The following PKNOX2 variants were observed in gnomAD, a reference collection of about 807,000 sequenced individuals.
PKNOX2 encodes homeobox protein PKNOX2.
In PKNOX2, 14 loss-of-function variants were observed where a neutral mutation model predicts 53.1. The ratio of observed to expected loss-of-function variants is 0.26; its 90% confidence interval spans 0.17 to 0.41. The LOEUF (loss-of-function observed/expected upper bound fraction) is 0.41, where lower values mean the gene tolerates loss of function less well. Ranked by LOEUF, PKNOX2 falls within the 10% of genes least tolerant of loss-of-function variation. The pLI is 1.00. For missense variants in PKNOX2, 496 were observed against 602.8 expected, an observed-to-expected ratio of 0.82 and a Z score of 1.85; for synonymous variants, 257 against 242.8, an observed-to-expected ratio of 1.06 and a Z score of -0.54.
rs1280951074 is a variant in PKNOX2, at chr11:125,352,724, A to T, written c.87+1332A>T. Reference sequence around the variant, plus strand: ...TGGTCCTTCACCAATCTCTGAGCACATGTCTACGGCCCCGCTCCCACATAT... The same window carrying T: ...TGGTCCTTCACCAATCTCTGAGCACTTGTCTACGGCCCCGCTCCCACATAT... On this transcript the variant is annotated intron_variant, in intron 4 of 12. Transcript: ENST00000298282. This position sits in a 1 kb window ranked among gnomAD's most constrained non-coding sequence, Gnocchi z 4.1. Among the ~76,000 whole-genome samples the T allele has an allele frequency of 2.0e-5, 3 of 152,154 alleles. No homozygotes were observed. Among genetic ancestry groups the T allele is most frequent in the African/African-American group, 7.2e-5 (3 of 41,434 alleles).
At chr11:125,281,016 A>G (rs1946520558) in intron 2 of PKNOX2, among the ~76,000 whole-genome samples, 2 of 152,220 alleles carry the variant, frequency 1.3e-5, no homozygotes, top group Admixed American at 1.3e-4. Flanking sequence ...CCTGGGCACC[A>G]GATGAACAGC....
intron 6 of PKNOX2, among the ~76,000 whole-genome samples, chr11:125,391,462 C>T (rs7119407): frequency 0.38 from 57,230 of 152,030 alleles, 13,388 homozygotes; most frequent in African/African-American, 0.67. Context: ...TTGACATTTC[C>T]TGAATGGCTA....
At chr11:125,180,287 T>C (rs750847175) in intron 1 of PKNOX2, among the ~76,000 whole-genome samples, 1 of 149,964 alleles carries the variant, frequency 6.7e-6, no homozygotes, top group Non-Finnish European at 1.5e-5. Flanking sequence ...TTTAGAGCGA[T>C]TGTTGGATTT....
At chr11:125,405,950 G>A (rs1165598063) in intron 7 of PKNOX2, among the ~76,000 whole-genome samples, 1 of 152,202 alleles carries the variant, frequency 6.6e-6, no homozygotes, top group Non-Finnish European at 1.5e-5. Flanking sequence ...ATAACCAGCT[G>A]TCATCCCCAG....
chr11:125,351,445 C>G (rs1335529418), intron 4 of PKNOX2, 53 bp downstream of exon 4: 2 of 1,169,818 alleles, frequency 1.7e-6, no homozygotes, highest in African/African-American at 3.0e-5. Flanking sequence ...GTGTGGTGGC[C>G]TTAGAGCCCC....
At chr11:125,193,658 C>T (rs1957007229) in intron 1 of PKNOX2, among the ~76,000 whole-genome samples, 1 of 152,176 alleles carries the variant, frequency 6.6e-6, no homozygotes, top group African/African-American at 2.4e-5. Context: ...AACCCAGGGA[C>T]AAAGTAACCT....
intron 2 of PKNOX2, among the ~76,000 whole-genome samples, chr11:125,252,791 G>C (rs117141481): frequency 6.6e-6 from 1 of 152,174 alleles, no homozygotes; most frequent in African/African-American, 2.4e-5. Context: ...CTACCAACCC[G>C]GCCTTTGGGT....
In PKNOX2 at chr11:125,252,710, C is replaced by T. The variant is rs912083583; in HGVS notation, c.-130+17595C>T. The stretch of plus-strand genomic sequence containing the variant: ...CAATGAGAGGTCCATGTAGCTCCCC[C>T]GGGCTGCGAGATGACCAGGCACAAA... On this transcript the variant is annotated intron_variant, in intron 2 of 12. Transcript: ENST00000298282. Among the ~76,000 whole-genome samples, 10 of 152,100 alleles carry T rather than the reference C, an allele frequency of 6.6e-5. 1 individual carries two copies. The South Asian group carries it at 8.3e-4, about 13-fold the overall frequency.
intron 3 of PKNOX2, among the ~76,000 whole-genome samples, chr11:125,333,213 C>G (rs116981615): frequency 0.025 from 3,778 of 152,190 alleles, 63 homozygotes; most frequent in Non-Finnish European, 0.039. Context: ...CTGGTGAATC[C>G]GTGTGAAGTG....
At chr11:125,177,375 A>C (rs1227785350) in intron 1 of PKNOX2, among the ~76,000 whole-genome samples, 5 of 152,214 alleles carry the variant, frequency 3.3e-5, no homozygotes, top group Non-Finnish European at 5.9e-5. Context: ...CACGGATGTG[A>C]AAAGGAAAGC....
intron 3 of PKNOX2, among the ~76,000 whole-genome samples, 183 bp from the exon 4 acceptor site, chr11:125,351,101 C>T (rs545074390): frequency 1.3e-5 from 2 of 152,282 alleles, no homozygotes; most frequent in African/African-American, 4.8e-5. Context: ...CAAAATAGCA[C>T]AGCAAGCCCC....
chr11:125,258,948 C>G (rs935712159), intron 2 of PKNOX2: 10 of 295,724 alleles, frequency 3.4e-5, no homozygotes, highest in African/African-American at 2.2e-4. Context: ...AACAGCAAAC[C>G]CTAGTTCATC....
chr11:125,356,526 C>T (rs1951625267), intron 4 of PKNOX2, among the ~76,000 whole-genome samples: 1 of 152,234 alleles, frequency 6.6e-6, no homozygotes, highest in Admixed American at 6.5e-5. Flanking sequence ...CCATTCCCCT[C>T]ACCCCGATCC....
rs200694488 is a variant in PKNOX2, at chr11:125,190,636, A to G, written c.-201+25860A>G. Among the ~76,000 whole-genome samples the G allele has an allele frequency of 3.2e-3, 489 of 151,610 alleles. 7 individuals carry two copies. Among genetic ancestry groups the G allele is most frequent in the African/African-American group, 0.012 (482 of 41,300 alleles). Reference sequence around the variant, plus strand: ...CTCATTTCCACTCTAATTGGTTGATACTCTGTCCCCCGACCCTGCCCTGTG... The same window carrying G: ...CTCATTTCCACTCTAATTGGTTGATGCTCTGTCCCCCGACCCTGCCCTGTG... On this transcript the variant is annotated intron_variant, in intron 1 of 12. Transcript: ENST00000298282.
At chr11:125,379,129 C>T (rs1035063285) in intron 5 of PKNOX2, among the ~76,000 whole-genome samples, 16 of 148,958 alleles carry the variant, frequency 1.1e-4, no homozygotes, top group African/African-American at 2.7e-4. Context: ...GGCGAGATGT[C>T]GGCTCACTGC....
At chr11:125,224,697 C>T (rs916785361) in intron 1 of PKNOX2, among the ~76,000 whole-genome samples, 4 of 152,218 alleles carry the variant, frequency 2.6e-5, no homozygotes, top group Non-Finnish European at 4.4e-5. Context: ...GGACACCAGC[C>T]GCGGCTGCCT....
intron 3 of PKNOX2, among the ~76,000 whole-genome samples, chr11:125,343,886 G>A (rs1342794341): frequency 6.6e-6 from 1 of 152,114 alleles, no homozygotes. Context: ...AAGGAGGAGA[G>A]ACTGCAGGCC....
At chr11:125,271,607 C>G (rs1309145349) in intron 2 of PKNOX2, among the ~76,000 whole-genome samples, 2 of 152,224 alleles carry the variant, frequency 1.3e-5, no homozygotes, top group Admixed American at 1.3e-4. Context: ...AGTCTCAGTT[C>G]CTGTGTTCCA....
intron 2 of PKNOX2, among the ~76,000 whole-genome samples, chr11:125,248,190 G>A (rs1725089429): frequency 6.6e-6 from 1 of 152,198 alleles, no homozygotes; most frequent in African/African-American, 2.4e-5. Flanking sequence ...CTCAGAGGGA[G>A]GTGTCTGGGT....
Sources: gnomAD v4.1 joint callset for allele counts (sites outside exome capture counted in the v4.1 genomes callset) on GRCh38, gnomAD v4.1.1 for gene constraint, Gnocchi (gnomAD v3.1) non-coding constraint, MANE v1.5 for transcripts, NCBI Gene and HGNC (gene_info 2026-07-23, HGNC 2026-07-21) for gene names.